BRIP1: variants seen among roughly 807,000 people sequenced by gnomAD.
BRIP1 encodes the protein Fanconi anemia group J protein.
BRIP1 carries 88 observed loss-of-function variants against 119.7 expected under a neutral mutation model. That is an observed-to-expected ratio of 0.74 (90% CI 0.62 to 0.88). The LOEUF (loss-of-function observed/expected upper bound fraction) is 0.88, where lower values mean the gene tolerates loss of function less well. Ranked by LOEUF, BRIP1 falls within the 40% of genes least tolerant of loss-of-function variation. BRIP1 has a pLI of 0.00. For synonymous variants in BRIP1, 443 were observed against 496.5 expected, an observed-to-expected ratio of 0.89 and a Z score of 1.43; for missense variants, 1,259 against 1,455.4, an observed-to-expected ratio of 0.87 and a Z score of 2.20.
chr17:61,730,122 T>G lies in BRIP1; in HGVS notation c.2379+12891A>C, dbSNP rs2076825180. Among the ~76,000 whole-genome samples, 1 of 152,178 alleles carries G rather than the reference T, an allele frequency of 6.6e-6. No individual in the cohort carries two copies. The highest frequency in any genetic ancestry group is 1.5e-5 in the Non-Finnish European group (1 of 68,022). On this transcript the variant is annotated intron_variant, in intron 16 of 19. Coordinates refer to ENST00000259008, the MANE Select transcript of BRIP1 (RefSeq NM_032043.3). The surrounding 1 kb of genome is among the most constrained non-coding windows in gnomAD (Gnocchi z 4.3). Reference sequence around the variant, plus strand: ...CGCACTGGGGTGATGTGTCCTACAGTTACAAAGTATAAACTGAACTCATTC... The same window carrying G: ...CGCACTGGGGTGATGTGTCCTACAGGTACAAAGTATAAACTGAACTCATTC...
intron 6 of BRIP1, among the ~76,000 whole-genome samples, chr17:61,839,386 A>G (rs1016454575): frequency 5.9e-5 from 9 of 152,016 alleles, no homozygotes; most frequent in African/African-American, 2.2e-4. Context: ...CATTTTACCT[A>G]TGTATTTTTG....
At chr17:61,788,960 G>A (rs2077774549) in intron 10 of BRIP1, among the ~76,000 whole-genome samples, 1 of 152,078 alleles carries the variant, frequency 6.6e-6, no homozygotes, top group Non-Finnish European at 1.5e-5. Flanking sequence ...GCCAGGTGTG[G>A]TGGCATGCTT....
At chr17:61,697,837 G>T (rs1048929299) in intron 17 of BRIP1, among the ~76,000 whole-genome samples, 3 of 150,366 alleles carry the variant, frequency 2.0e-5, no homozygotes, top group Non-Finnish European at 4.4e-5. Flanking sequence ...ACAGAGTCTC[G>T]CTCTGTCAGC....
In BRIP1 at chr17:61,808,766, A is replaced by C; in HGVS notation, c.628-9T>G. On this transcript the variant is annotated splice_polypyrimidine_tract_variant and intron_variant, in intron 6 of 19. Coordinates refer to ENST00000259008, the MANE Select transcript of BRIP1 (RefSeq NM_032043.3). The surrounding 1 kb of genome is among the most constrained non-coding windows in gnomAD (Gnocchi z 4.1). The stretch of plus-strand genomic sequence containing the variant: ...GAACAGTGGCCAGGGGGCTGTAAGA[A>C]AGGAAAGAAACGATAACTAATATCT... 1 of 1,610,564 alleles carries C rather than the reference A, an allele frequency of 6.2e-7. No homozygotes were observed. Among genetic ancestry groups the C allele is most frequent in the South Asian group, 1.1e-5 (1 of 91,068 alleles).
intron 14 of BRIP1, among the ~76,000 whole-genome samples, chr17:61,765,379 TTATATATATATATATATATATATA>T (rs1287538931): frequency 6.4e-4 from 24 of 37,748 alleles, no homozygotes; most frequent in East Asian, 1.7e-3. Flanking sequence ...TGTGTATATA[TTATATATATATATATATATATATA>T]TATATATATA....
chr17:61,698,137 G>C (rs1194234934), intron 17 of BRIP1, among the ~76,000 whole-genome samples: 1 of 151,994 alleles, frequency 6.6e-6, no homozygotes, highest in Non-Finnish European at 1.5e-5. Flanking sequence ...AGTTTCCCTG[G>C]GAGTAGTACT....
rs1482121462 is a variant in BRIP1 at position 61,689,103 on chromosome 17, G to A, written c.2576-2938C>T. Among the ~76,000 whole-genome samples, 2 of 140,568 alleles carry A rather than the reference G, an allele frequency of 1.4e-5. No homozygotes were observed. The highest frequency in any genetic ancestry group is 2.8e-5 in the African/African-American group (1 of 36,284). 92.2% of individuals were successfully genotyped at this position (140,568 alleles called of 152,430 possible). A position where few individuals can be genotyped will look rare whatever the true frequency, so the allele number is the denominator to read the frequency against. ...CTGTCGCCCAGGCTGGAGTGCAGTGGCGCCATCTCGGCTCACTGAAACCTC... is the reference window on the plus strand; with the variant it reads ...CTGTCGCCCAGGCTGGAGTGCAGTGACGCCATCTCGGCTCACTGAAACCTC... On this transcript the variant is annotated intron_variant, in intron 18 of 19. Transcript: ENST00000259008. This position sits in a 1 kb window ranked among gnomAD's most constrained non-coding sequence, Gnocchi z 4.5.
At chr17:61,781,143 TACCATTAATTAAATTCAGTA>T (rs979542960) in intron 11 of BRIP1, 138 bp from the exon 12 acceptor site, 1 of 734,504 alleles carries the variant, frequency 1.4e-6, no homozygotes, top group African/African-American at 1.8e-5. Flanking sequence ...ACATTCTCCT[TACCATTAATTAAATTCAGTA>T]ATTCTGATAT....
chr17:61,692,190 C>T (rs1467167561), intron 18 of BRIP1, among the ~76,000 whole-genome samples: 1 of 152,190 alleles, frequency 6.6e-6, no homozygotes, highest in Non-Finnish European at 1.5e-5. Context: ...GTGCAGCCTG[C>T]AGAACCATAA....
In BRIP1 at chr17:61,734,094, AC is replaced by A. The variant is rs1291675913; in HGVS notation, c.2379+8918del. Among the ~76,000 whole-genome samples, 1 of 152,164 alleles carries A rather than the reference AC, an allele frequency of 6.6e-6. No individual in the cohort carries two copies. The highest frequency in any genetic ancestry group is 2.4e-5 in the African/African-American group (1 of 41,452). ...AATACAAATAAAATGCAATTTTAAA[AC>A]CTAAATATATTTGTACCTTATCATA... On this transcript the variant is annotated intron_variant, in intron 16 of 19. Coordinates refer to ENST00000259008, the MANE Select transcript of BRIP1 (RefSeq NM_032043.3). The surrounding 1 kb of genome is among the most constrained non-coding windows in gnomAD (Gnocchi z 5.2).
chr17:61,808,141 T>G lies in BRIP1; in HGVS notation c.918+326A>C, dbSNP rs2078101120. Reference sequence around the variant, plus strand: ...TTAGATCTAATTAGACTAAACCATTTAAACACTTCTATCTCCTCATATGAT... The same window carrying G: ...TTAGATCTAATTAGACTAAACCATTGAAACACTTCTATCTCCTCATATGAT... On this transcript the variant is annotated intron_variant, in intron 7 of 19. Transcript: ENST00000259008. This position sits in a 1 kb window ranked among gnomAD's most constrained non-coding sequence, Gnocchi z 4.1. Among the ~76,000 whole-genome samples the G allele has an allele frequency of 6.6e-6, 1 of 152,162 alleles. No individual in the cohort carries two copies. The highest frequency in any genetic ancestry group is 6.5e-5 in the Admixed American group (1 of 15,282).
intron 17 of BRIP1, among the ~76,000 whole-genome samples, chr17:61,697,484 T>C (rs1293029636): frequency 6.6e-6 from 1 of 151,858 alleles, no homozygotes; most frequent in African/African-American, 2.4e-5. Context: ...TCTCTTATAA[T>C]CCTTTGTATT....
At position 61,683,487 on chromosome 17, in the gene BRIP1, C is replaced by T. The variant is rs367610893; in HGVS notation, c.3559G>A (p.Ala1187Thr). The change falls in exon 20 of 20, where the codon GCT (alanine) becomes ACT (threonine). Residue 1187 changes from alanine to threonine, a missense_variant. Ala to Thr is a moderately conservative substitution (Grantham distance 58, BLOSUM62 0). Transcript: ENST00000259008. The surrounding 1 kb of genome is among the most constrained non-coding windows in gnomAD (Gnocchi z 4.7). The part of the protein sequence containing the change: ...KEVDSAREVK[A>T]EDCIDTKLNG... ...AACTTTGTATCTATGCAATCCTCAG[C>T]TTTCACTTCTCTGGCTGAATCTACT... 57 of 1,613,542 alleles carry T rather than the reference C, an allele frequency of 3.5e-5. No homozygotes were observed. In the African/African-American group the frequency reaches 7.2e-4, roughly 20 times the overall value.
rs1555573931 is a variant in BRIP1 at position 61,689,026 on chromosome 17, C to CTGTTATGTTTGTTATGTTATGTTATGTTA, written c.2576-2862_2576-2861insTAACATAACATAACATAACAAACATAACA. 6.9e-6 allele frequency among the ~76,000 whole-genome samples: 1 copy of CTGTTATGTTTGTTATGTTATGTTATGTTA among 145,598 alleles called. No homozygotes were observed. Among genetic ancestry groups the CTGTTATGTTTGTTATGTTATGTTATGTTA allele is most frequent in the Non-Finnish European group, 1.5e-5 (1 of 67,116 alleles). On this transcript the variant is annotated intron_variant, in intron 18 of 19. Transcript: ENST00000259008. This position sits in a 1 kb window ranked among gnomAD's most constrained non-coding sequence, Gnocchi z 4.5. ...TACTTTATTTTATATATTTTATATT[C>CTGTTATGTTTGTTATGTTATGTTATGTTA]TGTTATGTTATGTTATGTTATGTTA... is the stretch of plus-strand genomic sequence containing the variant.
chr17:61,847,777 A>T (rs1193815361), intron 5 of BRIP1, among the ~76,000 whole-genome samples: 1 of 152,178 alleles, frequency 6.6e-6, no homozygotes, highest in Non-Finnish European at 1.5e-5. Context: ...AACTGTATCC[A>T]TGCTTTTCCT....
rs555547266 is a variant in BRIP1, at chr17:61,789,699, A to G, written c.1473+3898T>C. On this transcript the variant is annotated intron_variant, in intron 10 of 19. Transcript: ENST00000259008. The surrounding 1 kb of genome is among the most constrained non-coding windows in gnomAD (Gnocchi z 4.8). Reference sequence around the variant, plus strand: ...CTCATAAAAATGCTACACCGCAATTAAAAATTATGTGAAGGAATCTTTACT... The same window carrying G: ...CTCATAAAAATGCTACACCGCAATTGAAAATTATGTGAAGGAATCTTTACT... Among the ~76,000 whole-genome samples the G allele has an allele frequency of 4.3e-4, 66 of 152,326 alleles. No homozygotes were observed. Among genetic ancestry groups the G allele is most frequent in the African/African-American group, 1.6e-3 (66 of 41,594 alleles).
chr17:61,712,919 A>T (rs963806873), intron 17 of BRIP1, among the ~76,000 whole-genome samples: 2 of 138,788 alleles, frequency 1.4e-5, no homozygotes, highest in Non-Finnish European at 3.2e-5. Context: ...AAAAAAAAAA[A>T]TTTAATTTGC....
intron 10 of BRIP1, among the ~76,000 whole-genome samples, chr17:61,790,100 C>A (rs2077792587): frequency 1.3e-5 from 2 of 152,194 alleles, no homozygotes; most frequent in South Asian, 4.1e-4. Context: ...CCCTTCTCAG[C>A]CCAAACTGCT....
chr17:61,807,606 T>A lies in BRIP1; in HGVS notation c.918+861A>T, dbSNP rs2078092660. On this transcript the variant is annotated intron_variant, in intron 7 of 19. Coordinates refer to ENST00000259008, the MANE Select transcript of BRIP1 (RefSeq NM_032043.3). The surrounding 1 kb of genome is among the most constrained non-coding windows in gnomAD (Gnocchi z 4.5). ...GTGATATATCAATGAAATGAAACTC[T>A]GGGGGCTATAGCTCACAGTTTTTTG... 6.6e-6 allele frequency among the ~76,000 whole-genome samples: 1 copy of A among 152,092 alleles called. No individual in the cohort carries two copies. The highest frequency in any genetic ancestry group is 2.4e-5 in the African/African-American group (1 of 41,422).
Sources: gnomAD v4.1 joint callset for allele counts (sites outside exome capture counted in the v4.1 genomes callset) on GRCh38, gnomAD v4.1.1 for gene constraint, Gnocchi (gnomAD v3.1) non-coding constraint, MANE v1.5 for transcripts, NCBI Gene and HGNC (gene_info 2026-07-23, HGNC 2026-07-21) for gene names.